PKP2: variants seen among roughly 807,000 people sequenced by gnomAD.
PKP2 encodes plakophilin-2.
PKP2 carries 73 observed loss-of-function variants against 83.4 expected under a neutral mutation model. That is an observed-to-expected ratio of 0.88 (90% CI 0.72 to 1.06). PKP2 has a LOEUF of 1.06. Ranked by LOEUF, PKP2 falls within the 50% of genes least tolerant of loss-of-function variation. The probability of loss-of-function intolerance (pLI) is 0.00; values close to 1 mark genes in which losing one functional copy is unlikely to be tolerated. For missense variants in PKP2, 966 were observed against 1,065.4 expected (o/e 0.91, Z 1.30); for synonymous variants, 409 against 430.4 (o/e 0.95, Z 0.62).
At chr12:32,804,124 T>TCAAAACC (rs1565575241) in intron 9 of PKP2, among the ~76,000 whole-genome samples, 3 of 152,216 alleles carry the variant, frequency 2.0e-5, no homozygotes, top group Non-Finnish European at 4.4e-5. Flanking sequence ...GTCTCTACCA[T>TCAAAACC]GCTGTGTTTT....
At chr12:32,844,233 G>A (rs1262367335) in intron 5 of PKP2, among the ~76,000 whole-genome samples, 1 of 152,204 alleles carries the variant, frequency 6.6e-6, no homozygotes, top group Non-Finnish European at 1.5e-5. Context: ...CATGAAAGCT[G>A]TGAAAGAACT....
At position 32,822,501 on chromosome 12, in the gene PKP2, C is replaced by T; in HGVS notation, c.1805G>A (p.Gly602Glu). The T allele has an allele frequency of 6.2e-7, 1 of 1,614,142 alleles. No homozygotes were observed. Among genetic ancestry groups the T allele is most frequent in the South Asian group, 1.1e-5 (1 of 91,080 alleles). ...NIQTDNNKSIGCFGSRSRKVK... is the reference protein window; with the variant it reads ...NIQTDNNKSIECFGSRSRKVK... The stretch of plus-strand genomic sequence containing the variant: ...TTTCCTGCTTCGACTGCCAAAACAT[C>T]CAATACTTTTGTTGTTGTCAGTCTG... Residue 602 changes from glycine to glutamate, a missense_variant, in exon 8 of 13, where the codon GGA (glycine) becomes GAA (glutamate). Gly to Glu is a moderately conservative substitution (Grantham distance 98, BLOSUM62 -2). Transcript: ENST00000340811.
At chr12:32,866,153 A>C (rs1956846926) in intron 4 of PKP2, among the ~76,000 whole-genome samples, 1 of 152,176 alleles carries the variant, frequency 6.6e-6, no homozygotes, top group Admixed American at 6.6e-5. Context: ...AAATATTAAA[A>C]AACTTACAAA....
intron 9 of PKP2, among the ~76,000 whole-genome samples, chr12:32,818,167 A>C (rs1184823847): frequency 6.6e-6 from 1 of 152,294 alleles, no homozygotes; most frequent in Middle Eastern, 3.4e-3. Flanking sequence ...AGGGCTTTTA[A>C]AACTGTTTAT....
intron 1 of PKP2, 106 bp from the exon 2 acceptor site, chr12:32,879,138 G>A: frequency 1.4e-6 from 1 of 726,716 alleles, no homozygotes; most frequent in Non-Finnish European, 2.5e-6. Flanking sequence ...AAGTAATGAA[G>A]GCCAAGAACA....
At chr12:32,844,372 A>G (rs1956627826) in intron 5 of PKP2, among the ~76,000 whole-genome samples, 2 of 152,228 alleles carry the variant, frequency 1.3e-5, no homozygotes, top group African/African-American at 4.8e-5. Context: ...TACTCTTAAT[A>G]TATAGAATTT....
intron 4 of PKP2, among the ~76,000 whole-genome samples, chr12:32,861,686 C>T (rs1956799474): frequency 6.6e-6 from 1 of 152,122 alleles, no homozygotes; most frequent in Non-Finnish European, 1.5e-5. Flanking sequence ...CTATGAAGCT[C>T]AGTGAACTCC....
chr12:32,878,585 A>G (rs1473115759), intron 2 of PKP2, 42 bp from the exon 3 acceptor site: 1 of 1,506,338 alleles, frequency 6.6e-7, no homozygotes. Flanking sequence ...GCATAAATCA[A>G]ATTTCAACTT....
chr12:32,853,343 C>T (rs552525412), intron 4 of PKP2, among the ~76,000 whole-genome samples: 30 of 147,458 alleles, frequency 2.0e-4, no homozygotes, highest in Non-Finnish European at 3.1e-4. Flanking sequence ...TACTCCTGGT[C>T]TCAAGCATTT....
chr12:32,851,764 G>A (rs1956698381), intron 4 of PKP2, among the ~76,000 whole-genome samples: 1 of 152,080 alleles, frequency 6.6e-6, no homozygotes, highest in South Asian at 2.1e-4. Context: ...CACTGCGCCC[G>A]GCCACTAACC....
rs1565592658 is a variant in PKP2, at chr12:32,858,087, ATATAT to A, written c.1171-7119_1171-7115del. Among the ~76,000 whole-genome samples the A allele has an allele frequency of 9.8e-4, 55 of 56,328 alleles. 1 individual carries two copies. Among genetic ancestry groups the A allele is most frequent in the African/African-American group, 1.3e-3 (14 of 11,096 alleles). 37.0% of individuals were successfully genotyped at this position (56,328 alleles called of 152,430 possible). A position where few individuals can be genotyped will look rare whatever the true frequency, so the allele number is the denominator to read the frequency against. ...TACAAAAAAAAAAAAAAAAAAAAATATATATATATATATATATATATATATATATT... is the reference window on the plus strand; with the variant it reads ...TACAAAAAAAAAAAAAAAAAAAAATAATATATATATATATATATATATATT... On this transcript the variant is annotated intron_variant, in intron 4 of 12. Transcript: ENST00000340811.
At chr12:32,864,176 A>G (rs1033199630) in intron 4 of PKP2, among the ~76,000 whole-genome samples, 2 of 152,018 alleles carry the variant, frequency 1.3e-5, no homozygotes, top group African/African-American at 4.8e-5. Context: ...TAAAAAACCT[A>G]CAGGTAGCAT....
intron 5 of PKP2, among the ~76,000 whole-genome samples, chr12:32,843,802 G>A (rs1332931554): frequency 1.3e-5 from 2 of 152,162 alleles, no homozygotes; most frequent in African/African-American, 4.8e-5. Context: ...TCAGAAGGTG[G>A]TTGAAAACAA....
intron 10 of PKP2, among the ~76,000 whole-genome samples, chr12:32,797,445 C>CAAAAAAAAAAAAAAA (rs548021913): frequency 8.9e-5 from 6 of 67,168 alleles, no homozygotes; most frequent in Non-Finnish European, 1.4e-4. Flanking sequence ...GACCCTGTCT[C>CAAAAAAAAAAAAAAA]AAAAAAAAAA....
chr12:32,806,334 G>T (rs547317112), intron 9 of PKP2, among the ~76,000 whole-genome samples: 1 of 152,076 alleles, frequency 6.6e-6, no homozygotes, highest in Non-Finnish European at 1.5e-5. Context: ...CTGTAAATCT[G>T]TCTGGTCCTG....
chr12:32,870,061 A>G (rs1956883454), intron 3 of PKP2, among the ~76,000 whole-genome samples: 1 of 152,150 alleles, frequency 6.6e-6, no homozygotes, highest in Non-Finnish European at 1.5e-5. Context: ...GACTAAAGAC[A>G]TGCTTTAAAG....
chr12:32,801,079 A>T lies in PKP2; in HGVS notation c.2167+1324T>A, dbSNP rs555422653. Among the ~76,000 whole-genome samples, 589 of 152,328 alleles carry T rather than the reference A, an allele frequency of 3.9e-3. 3 individuals are homozygous for T. Among genetic ancestry groups the T allele is most frequent in the African/African-American group, 0.014 (567 of 41,572 alleles). ...ATATTTGACATGAAGCCAATCTGGA[A>T]TTTTAAAATAGCATTTATCTTGCTG... On this transcript the variant is annotated intron_variant, in intron 10 of 12. Transcript: ENST00000340811.
intron 1 of PKP2, among the ~76,000 whole-genome samples, chr12:32,881,133 T>C (rs1351630161): frequency 6.6e-6 from 1 of 152,234 alleles, no homozygotes; most frequent in East Asian, 1.9e-4. Flanking sequence ...GCCAGAGAGC[T>C]AAAAAGTCTA....
intron 11 of PKP2, among the ~76,000 whole-genome samples, chr12:32,795,398 T>A (rs903059164): frequency 6.6e-6 from 1 of 151,998 alleles, no homozygotes; most frequent in Non-Finnish European, 1.5e-5. Flanking sequence ...TTTTCTTTTT[T>A]GAGACAGAAT....
Sources: gnomAD v4.1 joint callset for allele counts (sites outside exome capture counted in the v4.1 genomes callset) on GRCh38, gnomAD v4.1.1 for gene constraint, MANE v1.5 for transcripts, NCBI Gene and HGNC (gene_info 2026-07-23, HGNC 2026-07-21) for gene names.